The following CDC14A variants were observed in gnomAD, a reference collection of about 807,000 sequenced individuals.
CDC14A encodes dual specificity protein phosphatase CDC14A.
In CDC14A, 53 loss-of-function variants were observed where a neutral mutation model predicts 74.4. The observed-to-expected ratio is 0.71, with a 90% confidence interval of 0.57 to 0.89. CDC14A has a LOEUF of 0.89. Among genes scored for constraint, CDC14A ranks in the 40% least tolerant of loss-of-function variants. The probability of loss-of-function intolerance (pLI) is 0.00; values close to 1 mark genes in which losing one functional copy is unlikely to be tolerated. For missense variants in CDC14A, 646 were observed against 713.7 expected (o/e 0.91, Z 1.08); for synonymous variants, 247 against 258.4 (o/e 0.96, Z 0.43).
At chr1:100,434,194 C>T (rs1205240652) in intron 5 of CDC14A, among the ~76,000 whole-genome samples, 1 of 152,090 alleles carries the variant, frequency 6.6e-6, no homozygotes, top group East Asian at 1.9e-4. Flanking sequence ...CTGTATAGTT[C>T]AGTTGACTAG....
Position 100,424,285 on chromosome 1 carries a change from C to T in CDC14A, c.373C>T (p.Pro125Ser), listed in dbSNP as rs541334140. The T allele has an allele frequency of 2.5e-6, 4 of 1,613,262 alleles. No individual in the cohort carries two copies. The highest frequency in any genetic ancestry group is 1.1e-5 in the South Asian group (1 of 91,072). ...YRALLSGSNP[P>S]YLPFRDASFG... ...AGCACTCCTGTCTGGCTCAAACCCC[C>T]CCTATCTTCCATTCAGGTATAACTC... Residue 125 changes from proline to serine, a missense_variant, in exon 5 of 16, where the codon CCC becomes TCC. Coordinates refer to ENST00000336454, the MANE Select transcript of CDC14A (RefSeq NM_003672.4).
chr1:100,359,268 T>A (rs1652355304), intron 2 of CDC14A, among the ~76,000 whole-genome samples: 1 of 152,236 alleles, frequency 6.6e-6, no homozygotes, highest in African/African-American at 2.4e-5. Context: ...AGGAGTTAGA[T>A]GCTGTTATTA....
At chr1:100,429,889 G>A (rs1663447126) in intron 5 of CDC14A, among the ~76,000 whole-genome samples, 1 of 151,746 alleles carries the variant, frequency 6.6e-6, no homozygotes, top group South Asian at 2.1e-4. Context: ...GTTTAGCTCT[G>A]TATAACCCAG....
chr1:100,483,887 T>G (rs1669761301), intron 10 of CDC14A, among the ~76,000 whole-genome samples: 2 of 152,158 alleles, frequency 1.3e-5, no homozygotes, highest in Admixed American at 6.6e-5. Context: ...CTCAAGTTCT[T>G]TCATGTACAG....
chr1:100,497,757 A>G (rs1648078831), intron 13 of CDC14A, among the ~76,000 whole-genome samples: 1 of 152,328 alleles, frequency 6.6e-6, no homozygotes, highest in East Asian at 1.9e-4. Context: ...CCTGGGTTTG[A>G]ATCCCAGGTC....
At chr1:100,488,116 G>A (rs1670227566) in intron 11 of CDC14A, among the ~76,000 whole-genome samples, 1 of 152,150 alleles carries the variant, frequency 6.6e-6, no homozygotes, top group African/African-American at 2.4e-5. Flanking sequence ...TTAACATTTA[G>A]GGGCCTATGG....
intron 8 of CDC14A, among the ~76,000 whole-genome samples, chr1:100,459,762 G>C (rs930561764): frequency 6.6e-6 from 1 of 152,088 alleles, no homozygotes; most frequent in Non-Finnish European, 1.5e-5. Flanking sequence ...GTTCTGGGTC[G>C]GCACATTATA....
intron 10 of CDC14A, 63 bp downstream of exon 10, chr1:100,468,157 C>G (rs1406667017): frequency 6.9e-6 from 11 of 1,585,032 alleles, no homozygotes; most frequent in Non-Finnish European, 9.5e-6. Flanking sequence ...CCTCTTGTTC[C>G]CCTGGTTGTG....
In CDC14A at chr1:100,402,669, C is replaced by T. The variant is rs140271007; in HGVS notation, c.309+11845C>T. On this transcript the variant is annotated intron_variant, in intron 4 of 15. Transcript: ENST00000336454. Reference sequence around the variant, plus strand: ...TTGGAGAATCTGAACCCAGAGAGGTCGAGTACCTTGTCCAAGATCAAACCC... The same window carrying T: ...TTGGAGAATCTGAACCCAGAGAGGTTGAGTACCTTGTCCAAGATCAAACCC... 1.1e-4 allele frequency among the ~76,000 whole-genome samples: 16 copies of T among 152,218 alleles called. No individual in the cohort carries two copies. In the East Asian group the frequency reaches 2.5e-3, roughly 24 times the overall value.
At chr1:100,345,632 C>T (rs1415422290) in intron 1 of CDC14A, among the ~76,000 whole-genome samples, 2 of 152,164 alleles carry the variant, frequency 1.3e-5, no homozygotes, top group African/African-American at 4.8e-5. Context: ...CATCTCCTCA[C>T]ATTTTAATTA....
chr1:100,379,771 G>A (rs1302322947), intron 3 of CDC14A, among the ~76,000 whole-genome samples: 1 of 152,114 alleles, frequency 6.6e-6, no homozygotes, highest in Non-Finnish European at 1.5e-5. Flanking sequence ...ATCTGCTTCT[G>A]GTGAGTCCCT....
intron 2 of CDC14A, among the ~76,000 whole-genome samples, chr1:100,356,189 A>G (rs74103128): frequency 0.06 from 9,067 of 152,228 alleles, 430 homozygotes; most frequent in African/African-American, 0.13. Flanking sequence ...AGAAACCTGC[A>G]GTTTCTTTGG....
intron 2 of CDC14A, 62 bp from the exon 3 acceptor site, chr1:100,377,474 AGATGAACATT>A: frequency 1.1e-6 from 1 of 934,544 alleles, no homozygotes; most frequent in South Asian, 1.4e-5. Context: ...ATGAAATTAA[AGATGAACATT>A]GATGTTACTG....
At position 100,440,011 on chromosome 1, in the gene CDC14A, C is replaced by T; in HGVS notation, c.456+13C>T. ...GGGAATCAGAAAGGTAATAACAATT[C>T]TCCTTGCTGTAGTTGACACAGTAGT... is the stretch of plus-strand genomic sequence containing the variant. On this transcript the variant is annotated intron_variant, in intron 6 of 15. Transcript: ENST00000336454. 3 of 1,594,556 alleles carry T rather than the reference C, an allele frequency of 1.9e-6. No homozygotes were observed. The highest frequency in any genetic ancestry group is 2.6e-6 in the Non-Finnish European group (3 of 1,162,526).
chr1:100,353,712 A>T (rs772809249), intron 1 of CDC14A, 50 bp from the exon 2 acceptor site: 2 of 948,318 alleles, frequency 2.1e-6, no homozygotes, highest in Non-Finnish European at 3.3e-6. Context: ...CTTCACTTCC[A>T]CTTCTCTACT....
chr1:100,389,025 A>G (rs1029985004), intron 3 of CDC14A, among the ~76,000 whole-genome samples: 2 of 151,602 alleles, frequency 1.3e-5, no homozygotes, highest in African/African-American at 2.4e-5. Flanking sequence ...AAATACAAAT[A>G]TTTGCCAGGC....
intron 10 of CDC14A, among the ~76,000 whole-genome samples, chr1:100,483,909 G>T (rs374958192): frequency 1.4e-4 from 21 of 152,098 alleles, no homozygotes; most frequent in African/African-American, 4.1e-4. Context: ...TTTGAGTCCA[G>T]TTATTCTCTC....
intron 15 of CDC14A, among the ~76,000 whole-genome samples, chr1:100,501,163 T>C (rs1648680426): frequency 6.6e-6 from 1 of 152,214 alleles, no homozygotes; most frequent in Non-Finnish European, 1.5e-5. Flanking sequence ...TAACTAAGGA[T>C]TAGATGTAAA....
rs112231082 is a variant in CDC14A, at chr1:100,499,237, C to T, written c.1730C>T (p.Ala577Val). ...PSYTGLSSSS[A>V]RFLSRSIPSL... ...TACACCGGGCTTTCTTCTTCTTCAGCGAGATTCCTGAGCCGTTCTATCCCT... is the reference window on the plus strand; with the variant it reads ...TACACCGGGCTTTCTTCTTCTTCAGTGAGATTCCTGAGCCGTTCTATCCCT... Residue 577 changes from alanine to valine, a missense_variant, in exon 15 of 16, where the codon GCG becomes GTG. Physicochemically the swap from Ala to Val is moderately conservative, Grantham distance 64. Transcript: ENST00000336454. 2.0e-4 allele frequency: 323 copies of T among 1,614,182 alleles called. 1 individual carries two copies. In the African/African-American group the frequency reaches 3.7e-3, roughly 18 times the overall value.
Sources: gnomAD v4.1 joint callset for allele counts (sites outside exome capture counted in the v4.1 genomes callset) on GRCh38, gnomAD v4.1.1 for gene constraint, MANE v1.5 for transcripts, NCBI Gene and HGNC (gene_info 2026-07-23, HGNC 2026-07-21) for gene names.